ACSM2B: variants seen among roughly 807,000 people sequenced by gnomAD.
ACSM2B encodes acyl-coenzyme A synthetase ACSM2B, mitochondrial.
In ACSM2B, 58 loss-of-function variants were observed where a neutral mutation model predicts 78.6. That is an observed-to-expected ratio of 0.74 (90% CI 0.60 to 0.92). ACSM2B has a LOEUF of 0.92. Among genes scored for constraint, ACSM2B ranks in the 40% least tolerant of loss-of-function variants. The pLI is 0.00. For missense variants in ACSM2B, 688 were observed against 711.2 expected, an observed-to-expected ratio of 0.97 and a Z score of 0.37; for synonymous variants, 257 against 256.8, an observed-to-expected ratio of 1.00 and a Z score of -0.01.
At chr16:20,538,981 C>T (rs557594997) in intron 13 of ACSM2B, among the ~76,000 whole-genome samples, 5 of 152,092 alleles carry the variant, frequency 3.3e-5, no homozygotes, top group Non-Finnish European at 7.4e-5. Context: ...AGACAGCTGT[C>T]TTGTCCAAGG....
At chr16:20,550,193 G>C (rs1352688994) in intron 6 of ACSM2B, among the ~76,000 whole-genome samples, 1 of 152,108 alleles carries the variant, frequency 6.6e-6, no homozygotes, top group Non-Finnish European at 1.5e-5. Flanking sequence ...TGGTTTACAA[G>C]TTTCATCATG....
rs2015586027 is a variant in ACSM2B at position 20,559,585 on chromosome 16, T to C, written c.178-138A>G. 7 of 1,295,860 alleles carry C rather than the reference T, an allele frequency of 5.4e-6. No individual in the cohort carries two copies. The South Asian group carries it at 9.6e-5, about 18-fold the overall frequency. The allele number at this position is 1,295,860 out of a possible 1,614,324, so 80.3% of individuals were successfully genotyped here. The stretch of plus-strand genomic sequence containing the variant: ...ACCTCCATACAATCATAAAAAGTAT[T>C]GAAAACCCTAAAGAGTTGTTATTTA... On this transcript the variant is annotated intron_variant, in intron 2 of 13. Coordinates refer to ENST00000329697, the MANE Select transcript of ACSM2B (RefSeq NM_001105069.2).
chr16:20,545,747 T>C (rs2152133823), intron 9 of ACSM2B, among the ~76,000 whole-genome samples: 1 of 152,342 alleles, frequency 6.6e-6, no homozygotes, highest in Non-Finnish European at 1.5e-5. Flanking sequence ...ATGGTTATCA[T>C]AGTGAATGGC....
At chr16:20,551,362 T>C (rs1239952969) in intron 6 of ACSM2B, among the ~76,000 whole-genome samples, 1 of 152,134 alleles carries the variant, frequency 6.6e-6, no homozygotes. Context: ...GTGGGGCTTT[T>C]AGGGGTAATT....
chr16:20,572,426 T>A (rs1372449190), intron 1 of ACSM2B, among the ~76,000 whole-genome samples: 1 of 137,948 alleles, frequency 7.2e-6, no homozygotes, highest in Admixed American at 7.0e-5. Context: ...GCTTGTAGGA[T>A]TTCTGCTGAG....
intron 13 of ACSM2B, among the ~76,000 whole-genome samples, chr16:20,538,216 C>G (rs2014896116): frequency 6.6e-6 from 1 of 152,158 alleles, no homozygotes; most frequent in African/African-American, 2.4e-5. Flanking sequence ...TATAAGAATT[C>G]TTCTATAAGT....
At chr16:20,565,134 C>A (rs1317529529) in intron 1 of ACSM2B, among the ~76,000 whole-genome samples, 3 of 152,106 alleles carry the variant, frequency 2.0e-5, no homozygotes, top group African/African-American at 7.2e-5. Context: ...TCCCCTTGTG[C>A]TTAAAATACA....
At chr16:20,560,694 T>A (rs2015626932) in intron 2 of ACSM2B, among the ~76,000 whole-genome samples, 1 of 152,026 alleles carries the variant, frequency 6.6e-6, no homozygotes, top group African/African-American at 2.4e-5. Flanking sequence ...CCTGAAAATG[T>A]AGAACTAACT....
At chr16:20,573,826 G>A (rs1278675456) in intron 1 of ACSM2B, among the ~76,000 whole-genome samples, 1 of 152,026 alleles carries the variant, frequency 6.6e-6, no homozygotes, top group Non-Finnish European at 1.5e-5. Flanking sequence ...ACAGGGAGTA[G>A]GTCACAAGGA....
chr16:20,549,754 C>A (rs970776921), intron 6 of ACSM2B: 1 of 449,746 alleles, frequency 2.2e-6, no homozygotes, highest in East Asian at 7.1e-5. Flanking sequence ...AGACATCAAT[C>A]AAACACATTT....
At position 20,558,358 on chromosome 16, in the gene ACSM2B, C is replaced by T. The variant is rs1319707133; in HGVS notation, c.388+879G>A. Among the ~76,000 whole-genome samples the T allele has an allele frequency of 2.8e-5, 4 of 144,964 alleles. 1 individual carries two copies. The East Asian group carries it at 1.3e-3, about 47-fold the overall frequency. ...TTCCTATTCCCTAGCCCCCTGCATG[C>T]CAAAGCATCCTTGAAAAACTCTAGT... is the stretch of plus-strand genomic sequence containing the variant. On this transcript the variant is annotated intron_variant, in intron 3 of 13. Transcript: ENST00000329697.
intron 10 of ACSM2B, chr16:20,544,410 G>T (rs1413259907): frequency 5.2e-5 from 17 of 327,998 alleles, no homozygotes; most frequent in Non-Finnish European, 6.5e-5. Context: ...ACTTTATAGG[G>T]TGGCTGGGAG....
rs1335005976 is a variant in ACSM2B, at chr16:20,559,313, C to T, written c.312G>A (p.Gln104=). The T allele has an allele frequency of 3.1e-6, 5 of 1,613,266 alleles. No homozygotes were observed. In the East Asian group the frequency reaches 1.1e-4, roughly 36 times the overall value. ...GCATCACTGCCACACGATCCCCACG[C>T]TGCAGGCCACAGGCTCCCGAGAGGA... ...ANILSGACGL[Q]RGDRVAVMLP... The change falls in exon 3 of 14, where the codon CAG becomes CAA. Residue 104 remains glutamine (Q), a synonymous_variant. Coordinates refer to ENST00000329697, the MANE Select transcript of ACSM2B (RefSeq NM_001105069.2).
At chr16:20,544,799 C>A in intron 10 of ACSM2B, 1 of 996,282 alleles carries the variant, frequency 1.0e-6, no homozygotes. Flanking sequence ...AGAAGATCAA[C>A]GGCATAGATC....
intron 8 of ACSM2B, chr16:20,546,905 A>G: frequency 5.6e-6 from 1 of 177,722 alleles, no homozygotes; most frequent in Non-Finnish European, 1.1e-5. Context: ...TGATACAGGC[A>G]TGCAATATGA....
Position 20,558,996 on chromosome 16 carries a change from C to G in ACSM2B, c.388+241G>C, listed in dbSNP as rs1245130801. ...GTGCAATTAATAGTTTAAGAGCTTTCTCCAAAGTTCTGTAAGTCCCATGAA... is the reference window on the plus strand; with the variant it reads ...GTGCAATTAATAGTTTAAGAGCTTTGTCCAAAGTTCTGTAAGTCCCATGAA... On this transcript the variant is annotated intron_variant, in intron 3 of 13. Transcript: ENST00000329697. Among the ~76,000 whole-genome samples the G allele has an allele frequency of 5.3e-5, 8 of 152,184 alleles. No homozygotes were observed. In the East Asian group the frequency reaches 1.5e-3, roughly 29 times the overall value.
rs777755060 is a variant in ACSM2B at position 20,542,921 on chromosome 16, C to T, written c.1502G>A (p.Arg501Gln). The T allele has an allele frequency of 3.5e-5, 56 of 1,613,622 alleles. No individual in the cohort carries two copies. In the South Asian group the frequency reaches 5.4e-4, roughly 16 times the overall value. The change falls in exon 12 of 14, where the codon CGA becomes CAA. Residue 501 changes from arginine (R) to glutamine (Q), a missense_variant. Physicochemically the swap from Arg to Gln is conservative, Grantham distance 43. Coordinates refer to ENST00000329697, the MANE Select transcript of ACSM2B (RefSeq NM_001105069.2). ...TAVISSPDPV[R>Q]GEVVKAFVIL... ...CTACTGCTTCCCCATCACCTCTCCT[C>T]GGACGGGGTCTGGGCTGCTGATCAC...
At chr16:20,542,594 C>A in intron 12 of ACSM2B, 1 of 332,048 alleles carries the variant, frequency 3.0e-6, no homozygotes, top group Non-Finnish European at 5.5e-6. Context: ...ATGCTGATTT[C>A]TTTTCCTTTG....
At chr16:20,570,683 G>T (rs576278230) in intron 1 of ACSM2B, among the ~76,000 whole-genome samples, 1 of 151,784 alleles carries the variant, frequency 6.6e-6, no homozygotes, top group Non-Finnish European at 1.5e-5. Context: ...AATTCATCTG[G>T]TCATGGCTTT....
Sources: gnomAD v4.1 joint callset for allele counts (sites outside exome capture counted in the v4.1 genomes callset) on GRCh38, gnomAD v4.1.1 for gene constraint, MANE v1.5 for transcripts, NCBI Gene and HGNC (gene_info 2026-07-23, HGNC 2026-07-21) for gene names.